Variants in NKAIN3 observed in about 807,000 individuals in gnomAD.
NKAIN3 encodes the protein sodium/potassium-transporting ATPase subunit beta-1-interacting protein 3.
Under a neutral mutation model 30.2 loss-of-function variants are expected in NKAIN3, and 25 were observed. The observed-to-expected ratio is 0.83, with a 90% confidence interval of 0.60 to 1.16. NKAIN3 has a LOEUF of 1.16. Among genes scored for constraint, NKAIN3 ranks in the 50% most tolerant of loss-of-function variants. NKAIN3 has a pLI of 0.00. For missense variants in NKAIN3, 225 were observed against 254.1 expected, an observed-to-expected ratio of 0.89 and a Z score of 0.78; for synonymous variants, 91 against 89.6, an observed-to-expected ratio of 1.02 and a Z score of -0.09.
At chr8:62,775,396 C>T (rs1002381464) in intron 4 of NKAIN3, among the ~76,000 whole-genome samples, 1 of 151,886 alleles carries the variant, frequency 6.6e-6, no homozygotes, top group African/African-American at 2.4e-5. Flanking sequence ...TTATTCATTT[C>T]AATTTCATTT....
intron 3 of NKAIN3, among the ~76,000 whole-genome samples, chr8:62,741,103 T>C (rs924265548): frequency 5.3e-5 from 8 of 151,904 alleles, no homozygotes; most frequent in African/African-American, 1.7e-4. Context: ...CTCCCAGAAC[T>C]CTCTTGGAAT....
At chr8:62,485,759 G>A (rs1246906204) in intron 1 of NKAIN3, among the ~76,000 whole-genome samples, 1 of 152,162 alleles carries the variant, frequency 6.6e-6, no homozygotes, top group African/African-American at 2.4e-5. Flanking sequence ...ACCGGACAAT[G>A]ATCCTGGGAA....
At position 62,953,835 on chromosome 8, in the gene NKAIN3, A is replaced by G. The variant is rs955227138; in HGVS notation, c.533-67A>G. The stretch of plus-strand genomic sequence containing the variant: ...TGTTAACTTTGCTCTTATGCATTCT[A>G]TTTTAAACATTAGTATTATGTGTAT... On this transcript the variant is annotated intron_variant, in intron 5 of 6. Coordinates refer to ENST00000623646, the MANE Select transcript of NKAIN3 (RefSeq NM_001304533.3). 4 of 372,500 alleles carry G rather than the reference A, an allele frequency of 1.1e-5. No individual in the cohort carries two copies. The South Asian group carries it at 4.3e-4, about 40-fold the overall frequency. 23.1% of individuals were successfully genotyped at this position (372,500 alleles called of 1,614,324 possible).
chr8:62,725,323 T>C (rs1815219678), intron 3 of NKAIN3, among the ~76,000 whole-genome samples: 1 of 152,128 alleles, frequency 6.6e-6, no homozygotes, highest in Non-Finnish European at 1.5e-5. Context: ...TTTGTAAGGA[T>C]TGTCTCTTAA....
chr8:62,683,521 T>G (rs1813710201), intron 3 of NKAIN3, among the ~76,000 whole-genome samples: 1 of 152,318 alleles, frequency 6.6e-6, no homozygotes, highest in African/African-American at 2.4e-5. Context: ...TCATAATGTG[T>G]TAGGGTATAA....
intron 4 of NKAIN3, among the ~76,000 whole-genome samples, chr8:62,816,466 A>G (rs1406274700): frequency 2.0e-5 from 3 of 152,126 alleles, no homozygotes; most frequent in Non-Finnish European, 4.4e-5. Context: ...AGTTGTCCCC[A>G]GGAGGGTTGG....
chr8:62,581,731 T>C (rs827684), intron 2 of NKAIN3, among the ~76,000 whole-genome samples: 32,343 of 146,284 alleles, frequency 0.22, 3,778 homozygotes, highest in East Asian at 0.3. Context: ...TCCCCCACCT[T>C]CCTCCCTCCC....
intron 1 of NKAIN3, among the ~76,000 whole-genome samples, chr8:62,488,571 G>A (rs1424959828): frequency 2.0e-5 from 3 of 152,124 alleles, no homozygotes; most frequent in African/African-American, 7.2e-5. Flanking sequence ...AATACATGAG[G>A]AAATGATGAA....
At chr8:62,534,675 A>G (rs57914735) in intron 1 of NKAIN3, among the ~76,000 whole-genome samples, 6,698 of 152,142 alleles carry the variant, frequency 0.044, 489 homozygotes, top group African/African-American at 0.15. Flanking sequence ...GTAAATCTGG[A>G]GTAAAGCCTG....
intron 5 of NKAIN3, among the ~76,000 whole-genome samples, chr8:62,947,254 C>T (rs548092417): frequency 1.3e-5 from 2 of 152,282 alleles, no homozygotes; most frequent in Non-Finnish European, 2.9e-5. Context: ...TTAACCCCTT[C>T]CCCTCCTTCA....
intron 4 of NKAIN3, among the ~76,000 whole-genome samples, chr8:62,865,169 A>T (rs770022651): frequency 7.9e-5 from 12 of 152,140 alleles, no homozygotes; most frequent in Non-Finnish European, 1.8e-4. Flanking sequence ...TGCCCTTTTG[A>T]TGTACTTGTG....
intron 5 of NKAIN3, among the ~76,000 whole-genome samples, chr8:62,994,025 A>G (rs1024589269): frequency 6.6e-6 from 1 of 152,204 alleles, no homozygotes; most frequent in African/African-American, 2.4e-5. Flanking sequence ...TTACTTTGGG[A>G]AGACTTTAAA....
chr8:62,976,899 A>T lies in NKAIN3; in HGVS notation c.*11492A>T, dbSNP rs949003956. 2.0e-5 allele frequency among the ~76,000 whole-genome samples: 3 copies of T among 152,106 alleles called. No homozygotes were observed. The highest frequency in any genetic ancestry group is 4.8e-5 in the African/African-American group (2 of 41,404). ...GCTTGGTGTGACAAAATTCCTCAGC[A>T]TTTGCTTGTCTGTAAAGGATTTTAT... On this transcript the variant is annotated 3_prime_UTR_variant, in exon 7 of 7. Coordinates refer to ENST00000623646, the MANE Select transcript of NKAIN3 (RefSeq NM_001304533.3).
chr8:62,485,114 T>G (rs1264158683), intron 1 of NKAIN3, among the ~76,000 whole-genome samples: 2 of 152,150 alleles, frequency 1.3e-5, no homozygotes, highest in Admixed American at 6.5e-5. Flanking sequence ...TGGTCATAAC[T>G]GCCCCAGGGT....
At chr8:62,279,480 T>C (rs889436824) in intron 1 of NKAIN3, among the ~76,000 whole-genome samples, 1 of 152,208 alleles carries the variant, frequency 6.6e-6, no homozygotes, top group Non-Finnish European at 1.5e-5. Context: ...TTGCCTAGGC[T>C]TTCTTCTAGG....
At chr8:62,556,158 T>G (rs1809380102) in intron 1 of NKAIN3, among the ~76,000 whole-genome samples, 1 of 151,936 alleles carries the variant, frequency 6.6e-6, no homozygotes, top group South Asian at 2.1e-4. Context: ...ATTGACTGAA[T>G]AAAATAATAT....
intron 1 of NKAIN3, among the ~76,000 whole-genome samples, chr8:62,253,381 G>C (rs774367479): frequency 1.2e-3 from 175 of 152,126 alleles, no homozygotes; most frequent in Non-Finnish European, 1.9e-3. Flanking sequence ...TTCCAGATCA[G>C]TCTGGGCAAC....
At chr8:62,285,524 G>T (rs1813353152) in intron 1 of NKAIN3, among the ~76,000 whole-genome samples, 1 of 152,028 alleles carries the variant, frequency 6.6e-6, no homozygotes, top group South Asian at 2.1e-4. Context: ...CCCTGCCCTG[G>T]GTTTCATTGT....
At chr8:62,795,770 G>A (rs912689105) in intron 4 of NKAIN3, among the ~76,000 whole-genome samples, 2 of 151,998 alleles carry the variant, frequency 1.3e-5, no homozygotes, top group Non-Finnish European at 2.9e-5. Context: ...ATTACCTGAA[G>A]GATCCTTAGG....
Sources: allele counts gnomAD v4.1 joint callset (sites outside exome capture counted in the v4.1 genomes callset), GRCh38; gene constraint gnomAD v4.1.1; transcripts MANE v1.5; gene names NCBI Gene and HGNC (gene_info 2026-07-23, HGNC 2026-07-21).